The following ALDH3B1 variants were observed in gnomAD, a reference collection of about 807,000 sequenced individuals.
ALDH3B1 encodes aldehyde dehydrogenase family 3 member B1.
Under a neutral mutation model 46.2 loss-of-function variants are expected in ALDH3B1, and 37 were observed. The ratio of observed to expected loss-of-function variants is 0.80; its 90% CI spans 0.62 to 1.05. The LOEUF (loss-of-function observed/expected upper bound fraction) is 1.05. ALDH3B1 is among the 50% of genes least tolerant of loss of function. The pLI is 0.00. For missense variants in ALDH3B1, 603 were observed against 665.5 expected (o/e 0.91, Z 1.03); for synonymous variants, 283 against 281.0 (o/e 1.01, Z -0.07).
At chr11:68,020,227 CTTT>C (rs1235731007) in intron 6 of ALDH3B1, among the ~76,000 whole-genome samples, 2 of 151,472 alleles carry the variant, frequency 1.3e-5, no homozygotes, top group Non-Finnish European at 3.0e-5. Flanking sequence ...CCAGAGGTCA[CTTT>C]TTTTTTCTTT....
Position 68,026,191 on chromosome 11 carries a change from C to A in ALDH3B1, c.1216+83C>A, listed in dbSNP as rs568039726. 1.0e-5 allele frequency: 12 copies of A among 1,177,744 alleles called. No individual in the cohort carries two copies. The African/African-American group carries it at 1.9e-4, about 18-fold the overall frequency. The allele number at this position is 1,177,744 out of a possible 1,614,324, so 73.0% of individuals were successfully genotyped here. A position where few individuals can be genotyped will look rare whatever the true frequency, so the allele number is the denominator to read the frequency against. On this transcript the variant is annotated intron_variant, in intron 9 of 9. Coordinates refer to ENST00000342456, the MANE Select transcript of ALDH3B1 (RefSeq NM_000694.4). ...CCTGCATACATTTCTGCCAAAGCAC[C>A]CCAGCCCCACCTCAATGTAGAGGGA...
chr11:68,028,007 C>T lies in ALDH3B1; in HGVS notation c.*68C>T, dbSNP rs1365897547. On this transcript the variant is annotated 3_prime_UTR_variant, in exon 10 of 10. Transcript: ENST00000342456. ...CGCCTGCGGCTGGTGGAGACGGGGCCTGGGCTCCCGGGCCCGAGGAGGAAA... is the reference window on the plus strand; with the variant it reads ...CGCCTGCGGCTGGTGGAGACGGGGCTTGGGCTCCCGGGCCCGAGGAGGAAA... 1.9e-6 allele frequency: 3 copies of T among 1,562,976 alleles called. No homozygotes were observed. The highest frequency in any genetic ancestry group is 2.3e-5 in the East Asian group (1 of 43,268).
chr11:68,014,448 C>T (rs572406841), intron 1 of ALDH3B1, among the ~76,000 whole-genome samples: 1 of 152,326 alleles, frequency 6.6e-6, no homozygotes, highest in East Asian at 1.9e-4. Flanking sequence ...GGAACGAGTG[C>T]GTCAGAGTGC....
intron 1 of ALDH3B1, among the ~76,000 whole-genome samples, chr11:68,010,860 A>G (rs796798940): frequency 9.8e-5 from 15 of 152,318 alleles, no homozygotes; most frequent in African/African-American, 3.4e-4. Flanking sequence ...GGAAAGAATC[A>G]TTCTTAGCAA....
At chr11:68,010,312 C>T (rs1013179564), upstream of ALDH3B1, 3 of 152,388 alleles carry the variant, frequency 2.0e-5, no homozygotes, top group Non-Finnish European at 4.4e-5. Flanking sequence ...GGGACTGGCC[C>T]TGCGTTGGAC....
chr11:68,026,530 T>G (rs71459684), intron 9 of ALDH3B1, among the ~76,000 whole-genome samples: 4,263 of 149,630 alleles, frequency 0.028, 77 homozygotes, highest in Middle Eastern at 0.075. Context: ...CCTCCAGCTC[T>G]CAGTACAACA....
chr11:68,025,161 T>C (rs1450473586), intron 8 of ALDH3B1: 2 of 152,284 alleles, frequency 1.3e-5, no homozygotes, highest in Non-Finnish European at 2.9e-5. Flanking sequence ...ACACAAGTCA[T>C]GCACAAGGTG....
chr11:68,023,452 T>C lies in ALDH3B1; in HGVS notation c.1116+691T>C, dbSNP rs1180414913. Among the ~76,000 whole-genome samples the C allele has an allele frequency of 3.9e-5, 6 of 152,018 alleles. No individual in the cohort carries two copies. The East Asian group carries it at 1.2e-3, about 30-fold the overall frequency. On this transcript the variant is annotated intron_variant, in intron 8 of 9. Transcript: ENST00000342456. ...CTGTGTAGCTGGGATTACAGGCGTGTGCCACTATGCCCGGCTAATTCTTTG... is the reference window on the plus strand; with the variant it reads ...CTGTGTAGCTGGGATTACAGGCGTGCGCCACTATGCCCGGCTAATTCTTTG...
At chr11:68,024,189 GAA>G (rs759432698) in intron 8 of ALDH3B1, 2 of 152,224 alleles carry the variant, frequency 1.3e-5, no homozygotes, top group African/African-American at 2.4e-5. Flanking sequence ...CATGATTAAA[GAA>G]AGGTTACTGG....
intron 7 of ALDH3B1, 39 bp downstream of exon 7, chr11:68,021,910 A>G (rs1857510707): frequency 3.2e-6 from 5 of 1,553,088 alleles, no homozygotes; most frequent in Non-Finnish European, 4.4e-6. Flanking sequence ...ACCTGGGCCA[A>G]GACCCCTCCT....
rs555229398 is a variant in ALDH3B1 at position 68,023,476 on chromosome 11, T to C, written c.1116+715T>C. 7.9e-5 allele frequency among the ~76,000 whole-genome samples: 12 copies of C among 151,974 alleles called. No individual in the cohort carries two copies. The South Asian group carries it at 2.5e-3, about 32-fold the overall frequency. On this transcript the variant is annotated intron_variant, in intron 8 of 9. Transcript: ENST00000342456. ...GTGCCACTATGCCCGGCTAATTCTT[T>C]GTATTTTTAGTAGAGATGGGGTTTT... is the stretch of plus-strand genomic sequence containing the variant.
chr11:68,014,720 C>A (rs1195950335), intron 1 of ALDH3B1, among the ~76,000 whole-genome samples: 2 of 152,222 alleles, frequency 1.3e-5, no homozygotes, highest in African/African-American at 2.4e-5. Context: ...GCCCACTGGC[C>A]TGGCCTCCCT....
At position 68,022,537 on chromosome 11, in the gene ALDH3B1, C is replaced by CG. The variant is rs1857524513; in HGVS notation, c.950-58_950-57insG. ...GTGGCCCTGTCCCCACCTCTACCCC[C>CG]ACCCTGGGGGCGGTCCTGACTGTGG... On this transcript the variant is annotated intron_variant, in intron 7 of 9. Transcript: ENST00000342456. 2.4e-6 allele frequency: 3 copies of CG among 1,233,886 alleles called. No homozygotes were observed. In the Admixed American group the frequency reaches 7.7e-5, roughly 32 times the overall value. The allele number at this position is 1,233,886 out of a possible 1,614,324, so 76.4% of individuals were successfully genotyped here.
chr11:68,008,885 C>T (rs1857177333), upstream of ALDH3B1, among the ~76,000 whole-genome samples: 1 of 152,186 alleles, frequency 6.6e-6, no homozygotes, highest in Admixed American at 6.5e-5. Flanking sequence ...CCTGTCCACA[C>T]CCACAGCAGC....
At chr11:68,010,678 C>A (rs900086181) in intron 1 of ALDH3B1, among the ~76,000 whole-genome samples, 17 of 152,224 alleles carry the variant, frequency 1.1e-4, no homozygotes, top group African/African-American at 3.9e-4. Context: ...TCCTGGGATT[C>A]CCGGACACCC....
At chr11:68,020,269 C>A (rs1234472957) in intron 6 of ALDH3B1, among the ~76,000 whole-genome samples, 1 of 152,032 alleles carries the variant, frequency 6.6e-6, no homozygotes, top group Non-Finnish European at 1.5e-5. Context: ...TGCTCTGTCA[C>A]CCAGGCAGTG....
rs538075662 is a variant in ALDH3B1, at chr11:68,028,082, C to G, written c.*143C>G. Reference sequence around the variant, plus strand: ...CCCTCAAAGCAGCGCCTGCCTCCTCCCTCCTGGGTCTTCCCTCTCCCTGCC... The same window carrying G: ...CCCTCAAAGCAGCGCCTGCCTCCTCGCTCCTGGGTCTTCCCTCTCCCTGCC... On this transcript the variant is annotated 3_prime_UTR_variant, in exon 10 of 10. Transcript: ENST00000342456. 127 of 1,103,102 alleles carry G rather than the reference C, an allele frequency of 1.2e-4. No homozygotes were observed. Among genetic ancestry groups the G allele is most frequent in the Middle Eastern group, 3.9e-4 (2 of 5,120 alleles). 68.3% of individuals were successfully genotyped at this position (1,103,102 alleles called of 1,614,324 possible). A position where few individuals can be genotyped will look rare whatever the true frequency, so the allele number is the denominator to read the frequency against.
At chr11:68,017,373 A>T (rs1857375535) in intron 2 of ALDH3B1, 1 of 152,482 alleles carries the variant, frequency 6.6e-6, no homozygotes, top group Non-Finnish European at 1.5e-5. Flanking sequence ...TGGTTCGCTG[A>T]GTGACCTCAG....
chr11:68,010,149 G>A (rs1438112155), upstream of ALDH3B1, among the ~76,000 whole-genome samples: 2 of 152,070 alleles, frequency 1.3e-5, no homozygotes, highest in Non-Finnish European at 2.9e-5. Flanking sequence ...CTAGCCTGGC[G>A]CCCTCTGGGC....
Sources: allele counts gnomAD v4.1 joint callset (sites outside exome capture counted in the v4.1 genomes callset), GRCh38; gene constraint gnomAD v4.1.1; transcripts MANE v1.5; gene names NCBI Gene and HGNC (gene_info 2026-07-23, HGNC 2026-07-21).